The following CCDC150 variants were observed in gnomAD, a reference collection of about 807,000 sequenced individuals.
CCDC150 encodes coiled-coil domain-containing protein 150.
In CCDC150, 151 loss-of-function variants were observed where a neutral mutation model predicts 156.5. The observed-to-expected ratio is 0.97, with a 90% confidence interval of 0.85 to 1.10. CCDC150 has a LOEUF of 1.10. Ranked by LOEUF, CCDC150 falls within the 50% of genes least tolerant of loss-of-function variation. The pLI is 0.00. For synonymous variants in CCDC150, 452 were observed against 429.4 expected (o/e 1.05, Z -0.65); for missense variants, 1,312 against 1,268.1 (o/e 1.03, Z -0.53).
At chr2:196,641,476 A>G (rs1470971914) in intron 1 of CCDC150, among the ~76,000 whole-genome samples, 4 of 152,088 alleles carry the variant, frequency 2.6e-5, no homozygotes, top group Non-Finnish European at 5.9e-5. Context: ...CTCAAATGTT[A>G]TGAGGCCTTC....
At chr2:196,710,101 A>G (rs2375946) in intron 15 of CCDC150, among the ~76,000 whole-genome samples, 88,982 of 152,196 alleles carry the variant, frequency 0.58, 29,578 homozygotes, top group East Asian at 0.92. Flanking sequence ...TTGTTCAGCT[A>G]TGCCCTGCCC....
chr2:196,729,079 C>A, intron 22 of CCDC150, 114 bp from the exon 23 acceptor site: 5 of 941,056 alleles, frequency 5.3e-6, no homozygotes, highest in Non-Finnish European at 6.3e-6. Context: ...TATTGCCTCA[C>A]TAACTCTCCT....
At chr2:196,713,487 C>T (rs1021396129) in intron 17 of CCDC150, 1 of 1,550,652 alleles carries the variant, frequency 6.4e-7, no homozygotes, top group Non-Finnish European at 8.7e-7. Flanking sequence ...ATTCCAAACT[C>T]TACACGCCGT....
chr2:196,655,141 G>C (rs185950088), intron 2 of CCDC150, among the ~76,000 whole-genome samples: 12 of 152,336 alleles, frequency 7.9e-5, no homozygotes, highest in African/African-American at 2.2e-4. Flanking sequence ...TTATTTATCT[G>C]CACTAAGGCA....
intron 2 of CCDC150, among the ~76,000 whole-genome samples, chr2:196,652,566 T>C (rs1186167219): frequency 6.6e-6 from 1 of 152,258 alleles, no homozygotes; most frequent in African/African-American, 2.4e-5. Context: ...ATGGCTGCTC[T>C]CAAGGGCTGG....
chr2:196,732,170 A>G lies in CCDC150; in HGVS notation c.3189+18A>G. 6.2e-7 allele frequency: 1 copy of G among 1,613,520 alleles called. No individual in the cohort carries two copies. The highest frequency in any genetic ancestry group is 8.5e-7 in the Non-Finnish European group (1 of 1,179,692). On this transcript the variant is annotated intron_variant, in intron 27 of 27. Coordinates refer to ENST00000389175, the MANE Select transcript of CCDC150 (RefSeq NM_001080539.2). Reference sequence around the variant, plus strand: ...AGGAAAAGGTAAGATTAAGACATGGATGTCTTAAGCAATTTTCTACTTGTT... The same window carrying G: ...AGGAAAAGGTAAGATTAAGACATGGGTGTCTTAAGCAATTTTCTACTTGTT...
chr2:196,662,296 A>G (rs977652490), intron 5 of CCDC150, among the ~76,000 whole-genome samples: 8 of 152,182 alleles, frequency 5.3e-5, no homozygotes, highest in South Asian at 2.1e-4. Context: ...GAATACTTCT[A>G]TATATAAAAA....
intron 7 of CCDC150, chr2:196,667,740 A>G (rs376323644): frequency 1.3e-5 from 2 of 152,352 alleles, no homozygotes; most frequent in East Asian, 3.9e-4. Context: ...AATACCAAAA[A>G]GGAAATGGAA....
At chr2:196,692,694 T>TA (rs1440786136) in intron 13 of CCDC150, among the ~76,000 whole-genome samples, 2 of 152,250 alleles carry the variant, frequency 1.3e-5, no homozygotes, top group Non-Finnish European at 2.9e-5. Context: ...AAGAGACTGT[T>TA]ATAATTTCCG....
Position 196,676,661 on chromosome 2 carries a change from G to C in CCDC150, c.1370G>C (p.Arg457Pro). Reference protein sequence around the residue: ...ELLESTIARLRGELEASMQEK... With the variant: ...ELLESTIARLPGELEASMQEK... ...CTAGAATCAACTATTGCAAGATTGC[G>C]AGGTGAATTGGAAGCATCAATGCAA... Residue 457 changes from arginine (R) to proline (P), a missense_variant, in exon 12 of 28, where the codon CGA becomes CCA. Arg to Pro is a moderately radical substitution (Grantham distance 103). Coordinates refer to ENST00000389175, the MANE Select transcript of CCDC150 (RefSeq NM_001080539.2). 6.2e-7 allele frequency: 1 copy of C among 1,613,834 alleles called. No individual in the cohort carries two copies. Among genetic ancestry groups the C allele is most frequent in the Non-Finnish European group, 8.5e-7 (1 of 1,179,748 alleles).
chr2:196,693,717 TC>T (rs1209998690), intron 13 of CCDC150, among the ~76,000 whole-genome samples: 1 of 152,200 alleles, frequency 6.6e-6, no homozygotes, highest in African/African-American at 2.4e-5. Flanking sequence ...CTTTGCCTTT[TC>T]CCAGTTTTAG....
chr2:196,690,633 G>A lies in CCDC150; in HGVS notation c.1510-4413G>A, dbSNP rs537305936. 2.6e-5 allele frequency among the ~76,000 whole-genome samples: 4 copies of A among 151,822 alleles called. No individual in the cohort carries two copies. The East Asian group carries it at 5.8e-4, about 22-fold the overall frequency. ...ATATTAAAAAAAAAAAGAGTTACAG[G>A]ATCATGTCATCTGCAAACAGGGATA... On this transcript the variant is annotated intron_variant, in intron 13 of 27. Coordinates refer to ENST00000389175, the MANE Select transcript of CCDC150 (RefSeq NM_001080539.2).
chr2:196,687,235 G>T (rs1017883669), intron 13 of CCDC150, among the ~76,000 whole-genome samples: 1 of 152,114 alleles, frequency 6.6e-6, no homozygotes, highest in Non-Finnish European at 1.5e-5. Flanking sequence ...CCAACAGTGT[G>T]CAAGTGTTCC....
Position 196,672,485 on chromosome 2 carries a change from T to C in CCDC150, c.1029+48T>C, listed in dbSNP as rs141316448. 4.2e-4 allele frequency: 437 copies of C among 1,048,932 alleles called. 4 individuals are homozygous for C. The East Asian group carries it at 8.9e-3, about 21-fold the overall frequency. The allele number at this position is 1,048,932 out of a possible 1,614,324, so 65.0% of individuals were successfully genotyped here. A position where few individuals can be genotyped will look rare whatever the true frequency, so the allele number is the denominator to read the frequency against. On this transcript the variant is annotated intron_variant, in intron 9 of 27. Transcript: ENST00000389175. ...GTTTTTAGATGTTATTTAATTTTGT[T>C]CAATTAAATAACCAAGAAACAAAAT...
chr2:196,728,015 A>G (rs1314090896), intron 22 of CCDC150: 3 of 150,042 alleles, frequency 2.0e-5, no homozygotes, highest in Non-Finnish European at 4.4e-5. Context: ...CTGTCTCAAA[A>G]AAAAAAAAAA....
intron 6 of CCDC150, 107 bp from the exon 7 acceptor site, chr2:196,666,612 C>A (rs898130240): frequency 2.1e-6 from 2 of 936,464 alleles, no homozygotes; most frequent in Non-Finnish European, 3.2e-6. Flanking sequence ...CTTCTTGTTG[C>A]TTCTCAGTGA....
At chr2:196,663,758 A>T (rs1172904745) in intron 5 of CCDC150, among the ~76,000 whole-genome samples, 1 of 152,174 alleles carries the variant, frequency 6.6e-6, no homozygotes, top group African/African-American at 2.4e-5. Flanking sequence ...AAAATGTTTT[A>T]AAAATTATAA....
chr2:196,676,935 G>A (rs1179968689), intron 12 of CCDC150, among the ~76,000 whole-genome samples: 4 of 152,140 alleles, frequency 2.6e-5, no homozygotes, highest in Admixed American at 2.0e-4. Context: ...ATACTTATCC[G>A]GCGTTAGTGA....
Position 196,721,639 on chromosome 2 carries a change from C to T in CCDC150, c.2377C>T (p.Gln793Ter). The change falls in exon 21 of 28, where the codon CAA becomes TAA. Residue 793 changes from glutamine (Q) to a stop codon, truncating the protein, a stop_gained. Transcript: ENST00000389175. LOFTEE classifies it high-confidence loss of function. ...TCTGCAAACAAAGCTAGATCACATT[C>T]AAGAGCAATTGGAAAGCAAAGAACT... ...NHLQTKLDHI[Q>*]EQLESKELER... 6.2e-7 allele frequency: 1 copy of T among 1,603,888 alleles called. No individual in the cohort carries two copies. Among genetic ancestry groups the T allele is most frequent in the Non-Finnish European group, 8.5e-7 (1 of 1,175,448 alleles).
Sources: gnomAD v4.1 joint callset for allele counts (sites outside exome capture counted in the v4.1 genomes callset) on GRCh38, gnomAD v4.1.1 for gene constraint, MANE v1.5 for transcripts, NCBI Gene and HGNC (gene_info 2026-07-23, HGNC 2026-07-21) for gene names.